The following VRK2 variants were observed in gnomAD, a reference collection of about 807,000 sequenced individuals.
The protein encoded by VRK2 is VRK serine/threonine kinase 2.
VRK2 carries 60 observed loss-of-function variants against 57.6 expected under a neutral mutation model. That is an observed-to-expected ratio of 1.04 (90% CI 0.85 to 1.29). The LOEUF is 1.29. Ranked by LOEUF, VRK2 falls within the 50% of genes most tolerant of loss-of-function variation. The pLI is 0.00. For synonymous variants in VRK2, 231 were observed against 199.2 expected (o/e 1.16, Z -1.35); for missense variants, 705 against 588.1 (o/e 1.20, Z -2.06).
chr2:58,137,195 T>TATATA (rs1680531570), intron 10 of VRK2, among the ~76,000 whole-genome samples: 1 of 23,070 alleles, frequency 4.3e-5, no homozygotes, highest in Non-Finnish European at 8.2e-5. Flanking sequence ...ATATGATACA[T>TATATA]ATATATCTCA....
chr2:58,020,852 A>T (rs1184899448), intron 1 of VRK2, among the ~76,000 whole-genome samples: 1 of 152,228 alleles, frequency 6.6e-6, no homozygotes, highest in African/African-American at 2.4e-5. Flanking sequence ...GGACCTTGAT[A>T]AATCCACTGC....
chr2:57,981,504 T>C (rs1607378), intron 1 of VRK2, among the ~76,000 whole-genome samples: 18,805 of 152,170 alleles, frequency 0.12, 1,237 homozygotes, highest in East Asian at 0.19. Flanking sequence ...AATCTGATGA[T>C]TATGTGTCTT....
chr2:58,011,820 T>A (rs115733470), intron 1 of VRK2, among the ~76,000 whole-genome samples: 6 of 152,178 alleles, frequency 3.9e-5, no homozygotes, highest in African/African-American at 1.4e-4. Context: ...CTGAACTAAA[T>A]ATCACTCTGT....
intron 10 of VRK2, among the ~76,000 whole-genome samples, chr2:58,135,729 T>C (rs1474585035): frequency 6.6e-6 from 1 of 152,218 alleles, no homozygotes; most frequent in African/African-American, 2.4e-5. Flanking sequence ...GTATATTTCA[T>C]ATTTTCAAGT....
chr2:57,939,720 T>C (rs1421692537), intron 1 of VRK2, among the ~76,000 whole-genome samples: 9 of 152,216 alleles, frequency 5.9e-5, no homozygotes, highest in Admixed American at 6.5e-5. Flanking sequence ...TAATATTGCA[T>C]TTTATTTTGT....
intron 8 of VRK2, among the ~76,000 whole-genome samples, chr2:58,128,617 C>T (rs780415115): frequency 6.6e-6 from 1 of 152,212 alleles, no homozygotes; most frequent in Non-Finnish European, 1.5e-5. Flanking sequence ...CAGGTATGAG[C>T]CACCGCGCCT....
chr2:57,967,911 A>G (rs896048914), intron 1 of VRK2, among the ~76,000 whole-genome samples: 7 of 152,172 alleles, frequency 4.6e-5, no homozygotes, highest in African/African-American at 1.7e-4. Flanking sequence ...AGGCTGAGCC[A>G]GAAAACAACA....
At chr2:58,126,407 A>T (rs935815972) in intron 8 of VRK2, among the ~76,000 whole-genome samples, 4 of 152,080 alleles carry the variant, frequency 2.6e-5, no homozygotes, top group Non-Finnish European at 4.4e-5. Context: ...ATAATGAAGG[A>T]ACTTGTATAA....
At chr2:57,953,018 G>C (rs547240996) in intron 1 of VRK2, among the ~76,000 whole-genome samples, 32 of 152,280 alleles carry the variant, frequency 2.1e-4, no homozygotes, top group African/African-American at 7.7e-4. Flanking sequence ...AGAGTGATGT[G>C]TGGCCATGAT....
intron 1 of VRK2, among the ~76,000 whole-genome samples, chr2:57,996,581 A>C (rs1011262255): frequency 2.6e-5 from 4 of 152,246 alleles, no homozygotes; most frequent in Non-Finnish European, 2.9e-5. Context: ...AGAATTGGTT[A>C]CAACTGATTG....
chr2:57,932,204 G>A (rs1276710556), intron 1 of VRK2, among the ~76,000 whole-genome samples: 2 of 151,912 alleles, frequency 1.3e-5, no homozygotes, highest in African/African-American at 2.4e-5. Context: ...TGAAGGTAAT[G>A]CTAGCCTTGT....
At chr2:57,943,483 G>C (rs1242107236) in intron 1 of VRK2, among the ~76,000 whole-genome samples, 13 of 152,168 alleles carry the variant, frequency 8.5e-5, no homozygotes, top group Non-Finnish European at 1.9e-4. Context: ...CCTAGAAGTT[G>C]TAACATGATT....
intron 1 of VRK2, among the ~76,000 whole-genome samples, chr2:57,968,235 T>C (rs1047231069): frequency 3.3e-5 from 5 of 151,858 alleles, no homozygotes; most frequent in Admixed American, 2.0e-4. Context: ...GATAAAGTAA[T>C]GTAAATCACG....
At chr2:57,944,609 G>C (rs1196916473) in intron 1 of VRK2, among the ~76,000 whole-genome samples, 1 of 152,068 alleles carries the variant, frequency 6.6e-6, no homozygotes. Context: ...GGTGGCGGGC[G>C]CCTGTAATCC....
intron 2 of VRK2, among the ~76,000 whole-genome samples, chr2:58,065,773 A>G (rs1668519489): frequency 6.6e-6 from 1 of 152,048 alleles, no homozygotes; most frequent in South Asian, 2.1e-4. Context: ...GTCTTCCCTG[A>G]TTTCTTATAT....
chr2:58,017,486 TGTAG>T (rs2103663193), intron 1 of VRK2, among the ~76,000 whole-genome samples: 1 of 152,326 alleles, frequency 6.6e-6, no homozygotes, highest in South Asian at 2.1e-4. Context: ...GCGCAGATTT[TGTAG>T]GGGCAATTTT....
At chr2:58,045,672 T>C (rs1201673352), upstream of VRK2, among the ~76,000 whole-genome samples, 2 of 152,030 alleles carry the variant, frequency 1.3e-5, no homozygotes, top group Non-Finnish European at 2.9e-5. Context: ...CTGAAAGATG[T>C]AGGGAGCCCC....
chr2:57,973,821 G>A (rs745553765), intron 1 of VRK2, among the ~76,000 whole-genome samples: 6 of 151,644 alleles, frequency 4.0e-5, no homozygotes, highest in Non-Finnish European at 5.9e-5. Context: ...GAACCTCTGC[G>A]TTCAAAGCAG....
At chr2:58,117,210 G>T (rs372212850) in intron 7 of VRK2, among the ~76,000 whole-genome samples, 2 of 152,124 alleles carry the variant, frequency 1.3e-5, no homozygotes, top group Admixed American at 1.3e-4. Context: ...ACTGGGCTGG[G>T]TTTTTATATT....
Sources: gnomAD v4.1 joint callset for allele counts (sites outside exome capture counted in the v4.1 genomes callset) on GRCh38, gnomAD v4.1.1 for gene constraint, MANE v1.5 for transcripts, NCBI Gene and HGNC (gene_info 2026-07-23, HGNC 2026-07-21) for gene names.